The following NIPAL2 variants were observed in gnomAD, a reference collection of about 807,000 sequenced individuals.
NIPAL2 encodes NIPA-like protein 2.
In NIPAL2, 43 loss-of-function variants were observed where a neutral mutation model predicts 48.9. The observed-to-expected ratio is 0.88, with a 90% CI of 0.69 to 1.13. The LOEUF (loss-of-function observed/expected upper bound fraction) is 1.13. NIPAL2 is among the 50% of genes most tolerant of loss of function. NIPAL2 has a pLI of 0.00. For missense variants in NIPAL2, 446 were observed against 461.4 expected (o/e 0.97, Z 0.31); for synonymous variants, 167 against 174.6 (o/e 0.96, Z 0.34).
intron 1 of NIPAL2, among the ~76,000 whole-genome samples, chr8:98,254,958 T>A (rs1368401468): frequency 6.6e-6 from 1 of 152,220 alleles, no homozygotes; most frequent in Non-Finnish European, 1.5e-5. Flanking sequence ...CTTGACTTTC[T>A]CAGATTCTAA....
intron 2 of NIPAL2, among the ~76,000 whole-genome samples, chr8:98,253,305 A>T (rs895643617): frequency 2.6e-5 from 4 of 152,144 alleles, no homozygotes; most frequent in Admixed American, 2.6e-4. Flanking sequence ...GCATTCCCTG[A>T]GGATAAGAGG....
At chr8:98,236,235 A>G in intron 3 of NIPAL2, 21 bp from the exon 4 acceptor site, 1 of 1,557,610 alleles carries the variant, frequency 6.4e-7, no homozygotes, top group Non-Finnish European at 8.8e-7. Context: ...AATGGCCATT[A>G]GTGGTAGTTC....
intron 3 of NIPAL2, among the ~76,000 whole-genome samples, chr8:98,251,121 A>C (rs961415415): frequency 2.0e-5 from 3 of 151,382 alleles, no homozygotes; most frequent in Non-Finnish European, 4.4e-5. Flanking sequence ...TGGTGCACTC[A>C]CCACCAGCCT....
intron 1 of NIPAL2, among the ~76,000 whole-genome samples, chr8:98,275,050 T>C (rs930609014): frequency 8.5e-5 from 13 of 152,152 alleles, no homozygotes; most frequent in African/African-American, 2.9e-4. Context: ...CCAGGCATAT[T>C]TCCTCTAACT....
chr8:98,286,571 G>A (rs1209202460), intron 1 of NIPAL2, among the ~76,000 whole-genome samples: 3 of 152,174 alleles, frequency 2.0e-5, no homozygotes, highest in Non-Finnish European at 4.4e-5. Context: ...CACTTTGGGA[G>A]TCCGAGACAG....
intron 5 of NIPAL2, among the ~76,000 whole-genome samples, chr8:98,214,581 G>T (rs1811482868): frequency 6.6e-6 from 1 of 151,660 alleles, no homozygotes; most frequent in Admixed American, 6.6e-5. Flanking sequence ...TTTAACCACA[G>T]GAGTTAGGGA....
rs73698767 is a variant in NIPAL2 at position 98,272,389 on chromosome 8, G to A, written c.136-18302C>T. 7.1e-3 allele frequency among the ~76,000 whole-genome samples: 1,076 copies of A among 152,240 alleles called. 13 individuals carry two copies. The highest frequency in any genetic ancestry group is 0.024 in the African/African-American group (1,007 of 41,544). On this transcript the variant is annotated intron_variant, in intron 1 of 10. Coordinates refer to ENST00000430223, the MANE Select transcript of NIPAL2 (RefSeq NM_001321635.2). ...GTGCTGCGAAAAATTGTGGTTAAAT[G>A]TATAATCATAGACTGAGGTGTGGAA...
rs774556900 is a variant in NIPAL2 at position 98,242,488 on chromosome 8, A to ATTTTTTGTTT, written c.377-6275_377-6274insAAACAAAAAA. ...AGGCAAAAGCCACTGCACCTGACAG[A>ATTTTTTGTTT]TTTTTTTTTTTTTTTTTTTAACTGA... On this transcript the variant is annotated intron_variant, in intron 3 of 10. Coordinates refer to ENST00000430223, the MANE Select transcript of NIPAL2 (RefSeq NM_001321635.2). 1.3e-4 allele frequency among the ~76,000 whole-genome samples: 15 copies of ATTTTTTGTTT among 117,768 alleles called. 2 individuals are homozygous for ATTTTTTGTTT. Among genetic ancestry groups the ATTTTTTGTTT allele is most frequent in the Non-Finnish European group, 2.0e-4 (12 of 59,288 alleles). The allele number at this position is 117,768 out of a possible 152,430, so 77.3% of individuals were successfully genotyped here.
rs149573770 is a variant in NIPAL2, at chr8:98,260,286, C to T, written c.136-6199G>A. On this transcript the variant is annotated intron_variant, in intron 1 of 10. Transcript: ENST00000430223. ...AAGATGAAAACAATACCAAGATGGC[C>T]GAATAGGAACAGCTCCGGTCTACAG... 3.2e-3 allele frequency among the ~76,000 whole-genome samples: 486 copies of T among 152,266 alleles called. 1 individual carries two copies. The highest frequency in any genetic ancestry group is 0.011 in the African/African-American group (455 of 41,554).
At position 98,277,008 on chromosome 8, in the gene NIPAL2, G is replaced by A. The variant is rs185975056; in HGVS notation, c.135+16995C>T. Among the ~76,000 whole-genome samples, 5 of 151,820 alleles carry A rather than the reference G, an allele frequency of 3.3e-5. No homozygotes were observed. The East Asian group carries it at 9.7e-4, about 30-fold the overall frequency. ...TGGTCTTGAACTCCTGACCTGAAGTGATCTGCTCGCCTTGGCCTCCCAAAG... is the reference window on the plus strand; with the variant it reads ...TGGTCTTGAACTCCTGACCTGAAGTAATCTGCTCGCCTTGGCCTCCCAAAG... On this transcript the variant is annotated intron_variant, in intron 1 of 10. Coordinates refer to ENST00000430223, the MANE Select transcript of NIPAL2 (RefSeq NM_001321635.2).
chr8:98,212,208 ATTAAATATATATCAATTGCAGTAAT>A (rs1811352079), intron 6 of NIPAL2, among the ~76,000 whole-genome samples, 172 bp downstream of exon 6: 1 of 152,212 alleles, frequency 6.6e-6, no homozygotes, highest in Non-Finnish European at 1.5e-5. Context: ...TTTTTTAAAA[ATTAAATATATATCAATTGCAGTAAT>A]GGACAGGCAA....
intron 1 of NIPAL2, among the ~76,000 whole-genome samples, chr8:98,260,824 C>T (rs904717626): frequency 1.4e-4 from 22 of 152,300 alleles, no homozygotes; most frequent in African/African-American, 5.3e-4. Context: ...CCTCTGGGGG[C>T]AGGGCACAGA....
intron 3 of NIPAL2, among the ~76,000 whole-genome samples, chr8:98,251,932 C>T (rs1813609285): frequency 1.3e-5 from 2 of 152,210 alleles, no homozygotes; most frequent in African/African-American, 4.8e-5. Context: ...TTTCACATCT[C>T]ATTTTTTCTT....
intron 6 of NIPAL2, among the ~76,000 whole-genome samples, chr8:98,211,733 A>AAGTGTGTGTGT (rs1271888062): frequency 0.015 from 1,591 of 109,090 alleles, 45 homozygotes; most frequent in African/African-American, 0.037. Flanking sequence ...AGAGAGAGAA[A>AAGTGTGTGTGT]GTGTGTGTGT....
intron 3 of NIPAL2, among the ~76,000 whole-genome samples, chr8:98,246,744 T>G (rs1813326934): frequency 6.6e-6 from 1 of 152,202 alleles, no homozygotes; most frequent in Non-Finnish European, 1.5e-5. Flanking sequence ...TAGTTACTTT[T>G]AATCAATATA....
intron 1 of NIPAL2, among the ~76,000 whole-genome samples, chr8:98,289,136 G>A (rs1025248648): frequency 2.0e-5 from 3 of 152,088 alleles, no homozygotes; most frequent in Admixed American, 6.6e-5. Flanking sequence ...AGTAAATGGT[G>A]TCTTTTTCTG....
intron 1 of NIPAL2, among the ~76,000 whole-genome samples, chr8:98,292,600 GT>G (rs1323774146): frequency 6.6e-6 from 1 of 152,158 alleles, no homozygotes; most frequent in African/African-American, 2.4e-5. Context: ...GATAATCTGT[GT>G]TTGGATATCA....
intron 4 of NIPAL2, among the ~76,000 whole-genome samples, chr8:98,225,763 T>G (rs1365344455): frequency 6.6e-6 from 1 of 152,210 alleles, no homozygotes; most frequent in African/African-American, 2.4e-5. Context: ...TCTCTAGGTT[T>G]GAGAAGTTCT....
At chr8:98,194,965 T>C in intron 9 of NIPAL2, 143 bp from the exon 10 acceptor site, 2 of 463,296 alleles carry the variant, frequency 4.3e-6, no homozygotes, top group Non-Finnish European at 7.6e-6. Context: ...TCCTAGTACT[T>C]GTCTTAATTA....
Sources: gnomAD v4.1 joint callset for allele counts (sites outside exome capture counted in the v4.1 genomes callset) on GRCh38, gnomAD v4.1.1 for gene constraint, MANE v1.5 for transcripts, NCBI Gene and HGNC (gene_info 2026-07-23, HGNC 2026-07-21) for gene names.